METTL14: variants seen among roughly 807,000 people sequenced by gnomAD.
The protein encoded by METTL14 is N(6)-adenosine-methyltransferase non-catalytic subunit METTL14.
In METTL14, 32 loss-of-function variants were observed where a neutral mutation model predicts 62.4. The observed-to-expected ratio is 0.51, with a 90% CI of 0.39 to 0.69. METTL14 has a LOEUF of 0.69. Among genes scored for constraint, METTL14 ranks in the 30% least tolerant of loss-of-function variants. METTL14 has a pLI of 0.00. For synonymous variants in METTL14, 150 were observed against 180.0 expected (o/e 0.83, Z 1.34); for missense variants, 340 against 551.9 (o/e 0.62, Z 3.85).
chr4:118,687,809 G>C, intron 1 of METTL14, 114 bp from the exon 2 acceptor site: 1 of 691,264 alleles, frequency 1.4e-6, no homozygotes, highest in Admixed American at 2.7e-5. Flanking sequence ...GTGTGTGTGT[G>C]TGAATTAAGG....
chr4:118,700,828 C>A (rs1724566806), intron 8 of METTL14, among the ~76,000 whole-genome samples, 186 bp downstream of exon 8: 2 of 152,044 alleles, frequency 1.3e-5, no homozygotes, highest in Non-Finnish European at 2.9e-5. Flanking sequence ...AGTTAGTTTA[C>A]CAGCACTAGG....
At chr4:118,693,241 A>C (rs1485988735) in intron 5 of METTL14, among the ~76,000 whole-genome samples, 1 of 152,154 alleles carries the variant, frequency 6.6e-6, no homozygotes, top group African/African-American at 2.4e-5. Context: ...GTGACTAATG[A>C]TATTGAGCAT....
intron 5 of METTL14, among the ~76,000 whole-genome samples, chr4:118,692,384 G>A (rs539999553): frequency 1.7e-4 from 25 of 151,412 alleles, no homozygotes; most frequent in East Asian, 9.7e-4. Context: ...ACCCCCCACC[G>A]TGCCTAGATA....
chr4:118,710,534 A>C lies in METTL14; in HGVS notation c.*232A>C. 2.3e-6 allele frequency: 1 copy of C among 436,436 alleles called. No homozygotes were observed. Among genetic ancestry groups the C allele is most frequent in the Middle Eastern group, 6.0e-4 (1 of 1,660 alleles). 27.0% of individuals were successfully genotyped at this position (436,436 alleles called of 1,614,324 possible). On this transcript the variant is annotated 3_prime_UTR_variant, in exon 11 of 11. Coordinates refer to ENST00000388822, the MANE Select transcript of METTL14 (RefSeq NM_020961.4). ...TTGTTATGTGCGTGAACAGAATGGA[A>C]CAACTCAAGTAGCTTCATCTTCAGA...
chr4:118,704,136 T>C, intron 9 of METTL14, 85 bp downstream of exon 9: 1 of 764,250 alleles, frequency 1.3e-6, no homozygotes, highest in Non-Finnish European at 2.1e-6. Flanking sequence ...TTTAATTAAC[T>C]TCAGTGAAAA....
chr4:118,689,234 T>A (rs1724168337), intron 2 of METTL14, 136 bp from the exon 3 acceptor site: 3 of 460,564 alleles, frequency 6.5e-6, no homozygotes, highest in Non-Finnish European at 1.2e-5. Flanking sequence ...GGATGACTTA[T>A]AAACTGCGTA....
At chr4:118,706,478 A>T (rs1724759302) in intron 10 of METTL14, among the ~76,000 whole-genome samples, 1 of 152,182 alleles carries the variant, frequency 6.6e-6, no homozygotes. Flanking sequence ...CGCAGTTTTT[A>T]TATCCATTTA....
At chr4:118,700,446 TAAAG>T (rs1413122377) in intron 7 of METTL14, 100 bp from the exon 8 acceptor site, 4 of 843,304 alleles carry the variant, frequency 4.7e-6, no homozygotes, top group Non-Finnish European at 7.6e-6. Flanking sequence ...CTAATACACT[TAAAG>T]AACACATCTA....
intron 8 of METTL14, among the ~76,000 whole-genome samples, chr4:118,703,592 T>G (rs1366071268): frequency 6.6e-6 from 1 of 152,230 alleles, no homozygotes; most frequent in Non-Finnish European, 1.5e-5. Context: ...TTTGGATTGT[T>G]TTGTGATTAC....
intron 1 of METTL14, among the ~76,000 whole-genome samples, chr4:118,687,183 A>G (rs1174673975): frequency 6.6e-6 from 1 of 152,220 alleles, no homozygotes. Flanking sequence ...TGCTTGGGCC[A>G]GAAGTGTTTT....
At chr4:118,685,645 G>A in intron 1 of METTL14, 45 bp downstream of exon 1, 1 of 1,558,256 alleles carries the variant, frequency 6.4e-7, no homozygotes, top group Non-Finnish European at 8.8e-7. Flanking sequence ...GAGAATGCGA[G>A]TGCGCGGCCG....
chr4:118,693,500 CACAA>C (rs1224632708), intron 5 of METTL14, among the ~76,000 whole-genome samples: 14 of 152,118 alleles, frequency 9.2e-5, no homozygotes, highest in African/African-American at 2.7e-4. Flanking sequence ...TATTTTGTAG[CACAA>C]ACATTCTATT....
intron 5 of METTL14, 50 bp downstream of exon 5, chr4:118,692,118 C>A: frequency 1.9e-6 from 2 of 1,059,294 alleles, no homozygotes; most frequent in South Asian, 1.5e-5. Flanking sequence ...CAATTACATG[C>A]ATGTAATTTA....
rs1307508712 is a variant in METTL14 at position 118,694,575 on chromosome 4, T to C, written c.503+49T>C. On this transcript the variant is annotated intron_variant, in intron 6 of 10. Transcript: ENST00000388822. Reference sequence around the variant, plus strand: ...GTTTATTCCCAACTCAGGCTTAAAGTATCAGTTTGTTTATCCTATAACCTT... The same window carrying C: ...GTTTATTCCCAACTCAGGCTTAAAGCATCAGTTTGTTTATCCTATAACCTT... The C allele has an allele frequency of 2.9e-6, 4 of 1,377,592 alleles. No individual in the cohort carries two copies. In the South Asian group the frequency reaches 4.8e-5, roughly 16 times the overall value. 85.3% of individuals were successfully genotyped at this position (1,377,592 alleles called of 1,614,324 possible).
chr4:118,704,003 T>C lies in METTL14; in HGVS notation c.807T>C (p.Pro269=). 6.3e-7 allele frequency: 1 copy of C among 1,596,266 alleles called. No individual in the cohort carries two copies. Among genetic ancestry groups the C allele is most frequent in the Non-Finnish European group, 8.5e-7 (1 of 1,175,172 alleles). The change falls in exon 9 of 11, where the codon CCT becomes CCC. Residue 269 remains proline (P), a synonymous_variant. Transcript: ENST00000388822. ...ICWIKTNKNN[P]GKTKTLDPKA... is the part of the protein sequence containing the mutation. ...GGATTAAAACCAATAAAAACAATCCTGGGAAGACTAAGACTTTAGATCCAA... is the reference window on the plus strand; with the variant it reads ...GGATTAAAACCAATAAAAACAATCCCGGGAAGACTAAGACTTTAGATCCAA...
In METTL14 at chr4:118,707,223, G is replaced by A. The variant is rs141289826; in HGVS notation, c.1066+1402G>A. On this transcript the variant is annotated intron_variant, in intron 10 of 10. Coordinates refer to ENST00000388822, the MANE Select transcript of METTL14 (RefSeq NM_020961.4). Reference sequence around the variant, plus strand: ...CAAAAAGAAAGAAAGAAATTGAATAGGCAAGAGTTTCAAGAAAGAAACTCT... The same window carrying A: ...CAAAAAGAAAGAAAGAAATTGAATAAGCAAGAGTTTCAAGAAAGAAACTCT... Among the ~76,000 whole-genome samples the A allele has an allele frequency of 6.0e-3, 910 of 152,124 alleles. 10 individuals carry two copies. The highest frequency in any genetic ancestry group is 0.021 in the African/African-American group (858 of 41,514).
rs934991362 is a variant in METTL14, at chr4:118,713,463, T to G, written c.*3161T>G. On this transcript the variant is annotated 3_prime_UTR_variant, in exon 11 of 11. Coordinates refer to ENST00000388822, the MANE Select transcript of METTL14 (RefSeq NM_020961.4). ...CATCCTGAATTTAGAACATAAGATT[T>G]AGCCTTTGAAGTATAGTTTCAGACT... The G allele has an allele frequency of 2.0e-5, 3 of 152,242 alleles. No individual in the cohort carries two copies. The highest frequency in any genetic ancestry group is 7.2e-5 in the African/African-American group (3 of 41,472). 9.4% of individuals were successfully genotyped at this position (152,242 alleles called of 1,614,324 possible). A position where few individuals can be genotyped will look rare whatever the true frequency, so the allele number is the denominator to read the frequency against.
intron 8 of METTL14, among the ~76,000 whole-genome samples, chr4:118,701,844 C>T (rs1724599969): frequency 6.6e-6 from 1 of 152,108 alleles, no homozygotes. Flanking sequence ...TGAAATTCTA[C>T]AATTACTGTA....
intron 8 of METTL14, among the ~76,000 whole-genome samples, chr4:118,702,123 T>C (rs1724611362): frequency 6.7e-6 from 1 of 149,522 alleles, no homozygotes; most frequent in Non-Finnish European, 1.5e-5. Flanking sequence ...TTTATCTTTT[T>C]TTTTTTTTTT....
Sources: allele counts gnomAD v4.1 joint callset (sites outside exome capture counted in the v4.1 genomes callset), GRCh38; gene constraint gnomAD v4.1.1; transcripts MANE v1.5; gene names NCBI Gene and HGNC (gene_info 2026-07-23, HGNC 2026-07-21).